The following SPAG16 variants were observed in gnomAD, a reference collection of about 807,000 sequenced individuals.
SPAG16 encodes sperm-associated antigen 16 protein.
A neutral mutation model predicts 80.4 loss-of-function variants in SPAG16; 86 were observed. The ratio of observed to expected loss-of-function variants is 1.07; its 90% CI spans 0.90 to 1.28. The LOEUF is 1.28. SPAG16 is among the 50% of genes most tolerant of loss of function. The pLI, the probability that SPAG16 is intolerant of heterozygous loss-of-function variation, is 0.00. For synonymous variants in SPAG16, 294 were observed against 265.9 expected, an observed-to-expected ratio of 1.11 and a Z score of -1.03; for missense variants, 870 against 765.3, an observed-to-expected ratio of 1.14 and a Z score of -1.61.
rs186638235 is a variant in SPAG16 at position 214,178,372 on chromosome 2, G to A, written c.1720+29106G>A. Reference sequence around the variant, plus strand: ...GTGAGGGTAATCAATGTGAAAAACTGCATATATAAAATTAGAAACAGATGC... The same window carrying A: ...GTGAGGGTAATCAATGTGAAAAACTACATATATAAAATTAGAAACAGATGC... On this transcript the variant is annotated intron_variant, in intron 15 of 15. Transcript: ENST00000331683. 1.2e-3 allele frequency among the ~76,000 whole-genome samples: 181 copies of A among 151,088 alleles called. 1 individual carries two copies. The highest frequency in any genetic ancestry group is 4.2e-3 in the African/African-American group (173 of 41,382).
chr2:213,555,433 A>G (rs1245654035), intron 10 of SPAG16, among the ~76,000 whole-genome samples: 7 of 152,114 alleles, frequency 4.6e-5, no homozygotes, highest in Non-Finnish European at 1.5e-5. Flanking sequence ...GCTTGCACTC[A>G]GTCCATCCTG....
chr2:213,684,382 A>C (rs1196831450), intron 10 of SPAG16, among the ~76,000 whole-genome samples: 1 of 152,358 alleles, frequency 6.6e-6, no homozygotes, highest in East Asian at 1.9e-4. Flanking sequence ...CAGAGCATAC[A>C]CATAGCTAAA....
intron 13 of SPAG16, among the ~76,000 whole-genome samples, chr2:214,044,793 C>A (rs1180831873): frequency 6.6e-6 from 1 of 152,150 alleles, no homozygotes; most frequent in Non-Finnish European, 1.5e-5. Flanking sequence ...CAGCACAAAG[C>A]AAAACTGGAC....
intron 10 of SPAG16, among the ~76,000 whole-genome samples, chr2:213,591,072 T>G (rs1249768641): frequency 6.6e-6 from 1 of 152,232 alleles, no homozygotes; most frequent in East Asian, 1.9e-4. Flanking sequence ...ACATTATCAC[T>G]TATAAGTGGA....
chr2:214,205,310 A>T (rs537241930), intron 15 of SPAG16, among the ~76,000 whole-genome samples: 1 of 152,278 alleles, frequency 6.6e-6, no homozygotes, highest in Admixed American at 6.5e-5. Context: ...TAAATAAAAA[A>T]CAATCACAAC....
intron 10 of SPAG16, among the ~76,000 whole-genome samples, chr2:213,739,434 A>G (rs1476277256): frequency 1.3e-5 from 2 of 152,210 alleles, no homozygotes; most frequent in Non-Finnish European, 2.9e-5. Context: ...AGTTTCATTT[A>G]GTTCTTACCT....
At chr2:214,111,932 T>G (rs962683879) in intron 14 of SPAG16, among the ~76,000 whole-genome samples, 5 of 152,182 alleles carry the variant, frequency 3.3e-5, no homozygotes, top group African/African-American at 1.2e-4. Flanking sequence ...GTTTGTCTGT[T>G]ATTGGTGTAT....
At chr2:213,731,069 G>A (rs990675185) in intron 10 of SPAG16, among the ~76,000 whole-genome samples, 1 of 148,928 alleles carries the variant, frequency 6.7e-6, no homozygotes, top group Non-Finnish European at 1.5e-5. Flanking sequence ...ATATTTTCTA[G>A]TTTTCCACTA....
rs1320238507 is a variant in SPAG16 at position 213,350,568 on chromosome 2, G to T, written c.685G>T (p.Val229Leu). The T allele has an allele frequency of 1.9e-6, 3 of 1,599,750 alleles. No homozygotes were observed. Among genetic ancestry groups the T allele is most frequent in the Admixed American group, 3.6e-5 (2 of 56,120 alleles). ...TGCATCTTATGAACCGACTATAAGG[G>T]TGTTACATGAGAAACACCACACTTT... ...HYASYEPTIRVLHEKHHTLLK... is the reference protein window; with the variant it reads ...HYASYEPTIRLLHEKHHTLLK... The change falls in exon 7 of 16, where the codon GTG (valine) becomes TTG (leucine). Residue 229 changes from valine to leucine, a missense_variant. Transcript: ENST00000331683.
At chr2:213,647,360 A>G (rs1219438151) in intron 10 of SPAG16, among the ~76,000 whole-genome samples, 1 of 152,194 alleles carries the variant, frequency 6.6e-6, no homozygotes, top group Admixed American at 6.5e-5. Context: ...ACAGTAATCT[A>G]CTGCCATTAT....
At chr2:213,346,100 C>T (rs534231621) in intron 6 of SPAG16, among the ~76,000 whole-genome samples, 1 of 152,178 alleles carries the variant, frequency 6.6e-6, no homozygotes, top group African/African-American at 2.4e-5. Context: ...CCTTCACATC[C>T]CTTGTAAGTT....
chr2:213,465,182 C>T (rs763266978), intron 9 of SPAG16, among the ~76,000 whole-genome samples: 5 of 152,178 alleles, frequency 3.3e-5, no homozygotes, highest in South Asian at 2.1e-4. Flanking sequence ...GTGAGGAAGT[C>T]TGTCTCTTCC....
chr2:214,119,047 C>T lies in SPAG16; in HGVS notation c.1593+10786C>T, dbSNP rs143551069. Among the ~76,000 whole-genome samples the T allele has an allele frequency of 4.2e-3, 637 of 152,134 alleles. 3 individuals are homozygous for T. The highest frequency in any genetic ancestry group is 7.5e-3 in the Non-Finnish European group (511 of 67,944). ...GATAATTATCCTGATTTGAGCATTACTCAATGTACCCATGTATCAAAATAT... is the reference window on the plus strand; with the variant it reads ...GATAATTATCCTGATTTGAGCATTATTCAATGTACCCATGTATCAAAATAT... On this transcript the variant is annotated intron_variant, in intron 14 of 15. Transcript: ENST00000331683.
At chr2:214,116,714 C>T (rs1000073190) in intron 14 of SPAG16, among the ~76,000 whole-genome samples, 1 of 152,200 alleles carries the variant, frequency 6.6e-6, no homozygotes, top group African/African-American at 2.4e-5. Context: ...CTCCTTAAGT[C>T]TTCCCCAGGT....
chr2:213,986,007 A>G (rs374038257), intron 12 of SPAG16, among the ~76,000 whole-genome samples: 1 of 152,112 alleles, frequency 6.6e-6, no homozygotes, highest in African/African-American at 2.4e-5. Context: ...TGTTTTTTGC[A>G]CTGTGATGAA....
rs1012181327 is a variant in SPAG16 at position 213,910,754 on chromosome 2, C to T, written c.1215-19206C>T. Among the ~76,000 whole-genome samples, 6 of 29,818 alleles carry T rather than the reference C, an allele frequency of 2.0e-4. 1 individual carries two copies. The highest frequency in any genetic ancestry group is 3.5e-4 in the African/African-American group (6 of 17,078). 19.6% of individuals were successfully genotyped at this position (29,818 alleles called of 152,430 possible). A position where few individuals can be genotyped will look rare whatever the true frequency, so the allele number is the denominator to read the frequency against. On this transcript the variant is annotated intron_variant, in intron 11 of 15. Transcript: ENST00000331683. ...CCGCCCGCCTCGGCCTCCCAAAGTG[C>T]TGGGATTACAGGCGTGAGCCACCAC...
At chr2:213,536,053 G>A (rs954644202) in intron 10 of SPAG16, among the ~76,000 whole-genome samples, 1 of 152,032 alleles carries the variant, frequency 6.6e-6, no homozygotes, top group African/African-American at 2.4e-5. Context: ...GTGTGTGCAC[G>A]TTTGTATGTT....
Position 213,310,188 on chromosome 2 carries a change from A to C in SPAG16, c.398+11A>C, listed in dbSNP as rs1315974462. 3 of 1,509,818 alleles carry C rather than the reference A, an allele frequency of 2.0e-6. No homozygotes were observed. The highest frequency in any genetic ancestry group is 2.7e-6 in the Non-Finnish European group (3 of 1,091,962). 93.5% of individuals were successfully genotyped at this position (1,509,818 alleles called of 1,614,324 possible). On this transcript the variant is annotated intron_variant, in intron 4 of 15. Transcript: ENST00000331683. ...CTTTCAGTCTGAATGGTAAACAATT[A>C]TGTAGATAAATAGTTCTCTTAAAAT... is the stretch of plus-strand genomic sequence containing the variant.
intron 11 of SPAG16, among the ~76,000 whole-genome samples, chr2:213,912,301 C>T (rs1389788558): frequency 1.3e-5 from 2 of 151,954 alleles, no homozygotes; most frequent in African/African-American, 2.4e-5. Context: ...ACAATAAAAT[C>T]CAACATCTTT....
Sources: gnomAD v4.1 joint callset for allele counts (sites outside exome capture counted in the v4.1 genomes callset) on GRCh38, gnomAD v4.1.1 for gene constraint, MANE v1.5 for transcripts, NCBI Gene and HGNC (gene_info 2026-07-23, HGNC 2026-07-21) for gene names.